Variants in JMJD1C observed in about 807,000 individuals in gnomAD.
The protein encoded by JMJD1C is jumonji domain containing 1C.
Under a neutral mutation model 245.3 loss-of-function variants are expected in JMJD1C, and 31 were observed. The ratio of observed to expected loss-of-function variants is 0.13; its 90% CI spans 0.09 to 0.17. JMJD1C has a LOEUF of 0.17. Among genes scored for constraint, JMJD1C ranks in the 10% least tolerant of loss-of-function variants. The pLI is 1.00. For missense variants in JMJD1C, 2,691 were observed against 3,000.2 expected (o/e 0.90, Z 2.41); for synonymous variants, 1,057 against 1,017.4 (o/e 1.04, Z -0.74).
intron 1 of JMJD1C, among the ~76,000 whole-genome samples, chr10:63,478,346 C>T (rs113748856): frequency 5.9e-5 from 9 of 152,278 alleles, no homozygotes; most frequent in Non-Finnish European, 8.8e-5. Context: ...TGTACATAGC[C>T]GCTTTATTTG....
chr10:63,234,994 C>T (rs1268278772), intron 3 of JMJD1C, among the ~76,000 whole-genome samples: 1 of 151,932 alleles, frequency 6.6e-6, no homozygotes, highest in Non-Finnish European at 1.5e-5. Context: ...TATACAGAAA[C>T]ATATCACATA....
At chr10:63,356,146 T>C (rs1283310663) in intron 2 of JMJD1C, among the ~76,000 whole-genome samples, 1 of 152,126 alleles carries the variant, frequency 6.6e-6, no homozygotes, top group Non-Finnish European at 1.5e-5. Context: ...ACAAAAGGGA[T>C]TGTAAAAGAT....
chr10:63,203,512 A>G, intron 10 of JMJD1C: 4 of 978,824 alleles, frequency 4.1e-6, no homozygotes, highest in Non-Finnish European at 4.9e-6. Flanking sequence ...TAGAGAAATT[A>G]ACTGTGATCA....
intron 2 of JMJD1C, among the ~76,000 whole-genome samples, chr10:63,328,796 T>G (rs1941815984): frequency 6.6e-6 from 1 of 152,238 alleles, no homozygotes; most frequent in South Asian, 2.1e-4. Flanking sequence ...AATATGTACT[T>G]TAACTTTGCT....
At chr10:63,306,899 A>G (rs1052090081) in intron 2 of JMJD1C, among the ~76,000 whole-genome samples, 2 of 152,218 alleles carry the variant, frequency 1.3e-5, no homozygotes, top group East Asian at 1.9e-4. Flanking sequence ...AGTCTGGTCA[A>G]TCATATCCCT....
chr10:63,395,016 A>G (rs1027464662), intron 1 of JMJD1C, among the ~76,000 whole-genome samples: 4 of 152,226 alleles, frequency 2.6e-5, no homozygotes, highest in Non-Finnish European at 5.9e-5. Flanking sequence ...TTGAAACTCA[A>G]TAAAAGAAAA....
At chr10:63,306,052 A>G (rs1274126286) in intron 2 of JMJD1C, among the ~76,000 whole-genome samples, 1 of 152,062 alleles carries the variant, frequency 6.6e-6, no homozygotes, top group Non-Finnish European at 1.5e-5. Flanking sequence ...AAAGAAAAGA[A>G]AAAGACTTAG....
intron 1 of JMJD1C, among the ~76,000 whole-genome samples, chr10:63,418,464 T>C (rs1467403986): frequency 6.6e-6 from 1 of 152,206 alleles, no homozygotes; most frequent in Non-Finnish European, 1.5e-5. Context: ...TTATGTCTGG[T>C]ACTGAAGGTA....
intron 2 of JMJD1C, among the ~76,000 whole-genome samples, chr10:63,293,088 C>T (rs989841839): frequency 6.6e-6 from 1 of 152,100 alleles, no homozygotes; most frequent in Non-Finnish European, 1.5e-5. Context: ...CTACAACCAA[C>T]CTAGCCAAGT....
chr10:63,413,577 C>A (rs1283154588), intron 1 of JMJD1C, among the ~76,000 whole-genome samples: 2 of 152,156 alleles, frequency 1.3e-5, no homozygotes, highest in African/African-American at 4.8e-5. Context: ...AAAGATTCTT[C>A]ATAGCTATCT....
intron 1 of JMJD1C, among the ~76,000 whole-genome samples, chr10:63,424,069 T>C (rs1470731111): frequency 6.6e-6 from 1 of 152,208 alleles, no homozygotes; most frequent in Admixed American, 6.5e-5. Flanking sequence ...GTGTGTATTT[T>C]TTTAATTAAA....
At chr10:63,399,195 G>A (rs1161519595) in intron 1 of JMJD1C, among the ~76,000 whole-genome samples, 1 of 152,064 alleles carries the variant, frequency 6.6e-6, no homozygotes, top group Non-Finnish European at 1.5e-5. Context: ...TCCATCCTTG[G>A]TCAGTGAGAC....
chr10:63,401,757 T>C (rs895498410), intron 1 of JMJD1C, among the ~76,000 whole-genome samples: 16 of 152,088 alleles, frequency 1.1e-4, no homozygotes, highest in African/African-American at 3.9e-4. Flanking sequence ...TAGTCATCAT[T>C]GGGATGGTAT....
At chr10:63,292,144 A>ATTTTTTGTTTTTTTTTTTTTTTTTT (rs1858839038) in intron 2 of JMJD1C, among the ~76,000 whole-genome samples, 2 of 56,326 alleles carry the variant, frequency 3.6e-5, no homozygotes, top group African/African-American at 7.4e-5. Flanking sequence ...GTAGAGACAG[A>ATTTTTTGTTTTTTTTTTTTTTTTTT]TTTTTTTTTT....
rs1019046695 is a variant in JMJD1C, at chr10:63,464,535, C to T, written c.168+960G>A. On this transcript the variant is annotated intron_variant, in intron 1 of 25. Coordinates refer to ENST00000399262, the MANE Select transcript of JMJD1C (RefSeq NM_032776.3). ...ACAGATTACGTATTCATAAATCAAC[C>T]TTTGGAAGTCTAGTCCATGTCTTGT... 3.3e-5 allele frequency among the ~76,000 whole-genome samples: 5 copies of T among 152,070 alleles called. No individual in the cohort carries two copies. In the East Asian group the frequency reaches 9.6e-4, roughly 29 times the overall value.
intron 2 of JMJD1C, among the ~76,000 whole-genome samples, chr10:63,315,896 T>A (rs972084091): frequency 6.9e-6 from 1 of 145,134 alleles, no homozygotes; most frequent in Admixed American, 7.0e-5. Flanking sequence ...TGGCTGGGTA[T>A]GGTGGTTCAT....
intron 3 of JMJD1C, among the ~76,000 whole-genome samples, chr10:63,227,415 TG>T (rs1849424236): frequency 3.3e-5 from 5 of 152,220 alleles, no homozygotes; most frequent in Non-Finnish European, 7.3e-5. Flanking sequence ...CAGAGAAGAC[TG>T]GCTTAATAAC....
chr10:63,373,998 A>G (rs1946521833), intron 2 of JMJD1C, among the ~76,000 whole-genome samples: 1 of 152,214 alleles, frequency 6.6e-6, no homozygotes, highest in African/African-American at 2.4e-5. Flanking sequence ...CTCCTAAAAC[A>G]AAAGAAAAAA....
chr10:63,191,970 T>A (rs533400023), intron 16 of JMJD1C, among the ~76,000 whole-genome samples: 48 of 98,312 alleles, frequency 4.9e-4, no homozygotes, highest in Middle Eastern at 0.012. Flanking sequence ...GACAACAGAG[T>A]GAGACTCTGT....
Sources: allele counts gnomAD v4.1 joint callset (sites outside exome capture counted in the v4.1 genomes callset), GRCh38; gene constraint gnomAD v4.1.1; transcripts MANE v1.5; gene names NCBI Gene and HGNC (gene_info 2026-07-23, HGNC 2026-07-21).